Variants in PLEKHO2 observed in about 807,000 individuals in gnomAD.
PLEKHO2 encodes pleckstrin homology domain containing O2.
Under a neutral mutation model 32.7 loss-of-function variants are expected in PLEKHO2, and 20 were observed. The ratio of observed to expected loss-of-function variants is 0.61; its 90% CI spans 0.43 to 0.89. PLEKHO2 has a LOEUF of 0.89. Ranked by LOEUF, PLEKHO2 falls within the 40% of genes least tolerant of loss-of-function variation. The pLI is 0.00. For synonymous variants in PLEKHO2, 247 were observed against 246.3 expected, an observed-to-expected ratio of 1.00 and a Z score of -0.03; for missense variants, 568 against 621.2, an observed-to-expected ratio of 0.91 and a Z score of 0.91.
chr15:64,845,389 A>G (rs2084514908), intron 1 of PLEKHO2, among the ~76,000 whole-genome samples: 1 of 151,862 alleles, frequency 6.6e-6, no homozygotes, highest in African/African-American at 2.4e-5. Flanking sequence ...GAGGCCGAGA[A>G]ACTGGGCTGA....
At position 64,842,392 on chromosome 15, in the gene PLEKHO2, G is replaced by C. The variant is rs1164428231; in HGVS notation, c.12+364G>C. On this transcript the variant is annotated intron_variant, in intron 1 of 5. Transcript: ENST00000323544. Reference sequence around the variant, plus strand: ...GGATCCTGACTCTCTCTCTCTCTCTGTGTGTGTGTGTGTGTGTGTGTGTGT... The same window carrying C: ...GGATCCTGACTCTCTCTCTCTCTCTCTGTGTGTGTGTGTGTGTGTGTGTGT... Among the ~76,000 whole-genome samples, 388 of 93,332 alleles carry C rather than the reference G, an allele frequency of 4.2e-3. 2 individuals carry two copies. Among genetic ancestry groups the C allele is most frequent in the African/African-American group, 8.2e-3 (251 of 30,632 alleles). 61.2% of individuals were successfully genotyped at this position (93,332 alleles called of 152,430 possible).
intron 2 of PLEKHO2, 117 bp downstream of exon 2, chr15:64,848,859 T>C: frequency 7.6e-7 from 1 of 1,323,958 alleles, no homozygotes; most frequent in Non-Finnish European, 1.1e-6. Context: ...ACTTTTGCCA[T>C]GCTGTGCAAC....
At chr15:64,860,427 A>C (rs775937826) in intron 4 of PLEKHO2, among the ~76,000 whole-genome samples, 1 of 152,174 alleles carries the variant, frequency 6.6e-6, no homozygotes, top group Non-Finnish European at 1.5e-5. Context: ...TCTGTCTGCA[A>C]TGACCATTCA....
chr15:64,842,608 A>G (rs1210607559), intron 1 of PLEKHO2, among the ~76,000 whole-genome samples: 1 of 151,708 alleles, frequency 6.6e-6, no homozygotes, highest in Non-Finnish European at 1.5e-5. Context: ...AAGTCTCTGT[A>G]TCTTTTCCCC....
Position 64,864,947 on chromosome 15 carries a change from C to T in PLEKHO2, c.532C>T (p.Pro178Ser). The T allele has an allele frequency of 6.2e-7, 1 of 1,613,968 alleles. No homozygotes were observed. Among genetic ancestry groups the T allele is most frequent in the Non-Finnish European group, 8.5e-7 (1 of 1,179,956 alleles). Reference sequence around the variant, plus strand: ...TCTTCTGCGCCTGGATCTTGATGTTCCGGACAGTGGGCCACCAGTGTTTGC... The same window carrying T: ...TCTTCTGCGCCTGGATCTTGATGTTTCGGACAGTGGGCCACCAGTGTTTGC... The part of the protein sequence containing the change: ...DGLLRLDLDV[P>S]DSGPPVFAPS... Residue 178 changes from proline to serine, a missense_variant, in exon 6 of 6, where the codon CCG (proline) becomes TCG (serine). Physicochemically the swap from Pro to Ser is moderately conservative, Grantham distance 74. Coordinates refer to ENST00000323544, the MANE Select transcript of PLEKHO2 (RefSeq NM_025201.5).
At chr15:64,844,221 C>T (rs1379254952) in intron 1 of PLEKHO2, among the ~76,000 whole-genome samples, 1 of 152,230 alleles carries the variant, frequency 6.6e-6, no homozygotes, top group African/African-American at 2.4e-5. Context: ...TGTGCCCGGC[C>T]ACCCTGGGCC....
chr15:64,842,406 G>GT (rs2084491962), intron 1 of PLEKHO2, among the ~76,000 whole-genome samples: 1 of 151,578 alleles, frequency 6.6e-6, no homozygotes, highest in Admixed American at 6.6e-5. Flanking sequence ...GTGTGTGTGT[G>GT]TGTGTGTGTG....
intron 1 of PLEKHO2, among the ~76,000 whole-genome samples, chr15:64,844,662 C>A (rs567129095): frequency 3.9e-5 from 6 of 152,252 alleles, no homozygotes; most frequent in African/African-American, 1.4e-4. Context: ...CTGGGCTGTA[C>A]TTTCTCTTTC....
At position 64,865,352 on chromosome 15, in the gene PLEKHO2, C is replaced by G. The variant is rs1290172587; in HGVS notation, c.937C>G (p.Pro313Ala). 6.2e-7 allele frequency: 1 copy of G among 1,613,762 alleles called. No individual in the cohort carries two copies. The highest frequency in any genetic ancestry group is 1.7e-5 in the Admixed American group (1 of 59,966). Residue 313 changes from proline (P) to alanine (A), a missense_variant, in exon 6 of 6, where the codon CCA (proline) becomes GCA (alanine). Transcript: ENST00000323544. ...GGAGGGTGGGAAGCCCCCTACACCC[C>G]CACCCAAGATCTTATCAGAGAAACT... ...PREGGKPPTPPPKILSEKLKA... is the reference protein window; with the variant it reads ...PREGGKPPTPAPKILSEKLKA...
At chr15:64,853,546 G>A (rs2084586235) in intron 2 of PLEKHO2, among the ~76,000 whole-genome samples, 1 of 151,888 alleles carries the variant, frequency 6.6e-6, no homozygotes, top group African/African-American at 2.4e-5. Context: ...TGCCCGCCTC[G>A]GCCTCCCAAA....
chr15:64,853,293 T>C (rs1285613972), intron 2 of PLEKHO2, among the ~76,000 whole-genome samples: 1 of 149,270 alleles, frequency 6.7e-6, no homozygotes. Context: ...TTTTTTTTTT[T>C]TGAGACAGAG....
chr15:64,854,902 C>T lies in PLEKHO2; in HGVS notation c.163-19C>T. The T allele has an allele frequency of 3.1e-6, 5 of 1,601,850 alleles. No individual in the cohort carries two copies. The highest frequency in any genetic ancestry group is 1.7e-5 in the Admixed American group (1 of 59,900). Reference sequence around the variant, plus strand: ...GTCTGACTGTCACCAGCTCATGTCCCTTCTGTCTCCCTCCCCAGGATGATC... The same window carrying T: ...GTCTGACTGTCACCAGCTCATGTCCTTTCTGTCTCCCTCCCCAGGATGATC... On this transcript the variant is annotated intron_variant, in intron 2 of 5. Coordinates refer to ENST00000323544, the MANE Select transcript of PLEKHO2 (RefSeq NM_025201.5).
intron 4 of PLEKHO2, among the ~76,000 whole-genome samples, chr15:64,860,327 C>T (rs1956966719): frequency 6.6e-6 from 1 of 152,262 alleles, no homozygotes; most frequent in Non-Finnish European, 1.5e-5. Flanking sequence ...GGGCCCAGGC[C>T]AGAGAGTGCT....
intron 3 of PLEKHO2, among the ~76,000 whole-genome samples, chr15:64,858,974 C>T (rs1293606741): frequency 1.3e-5 from 2 of 152,210 alleles, no homozygotes; most frequent in African/African-American, 4.8e-5. Flanking sequence ...CTCTCTGTCT[C>T]TATGATTTTG....
intron 1 of PLEKHO2, among the ~76,000 whole-genome samples, chr15:64,845,560 T>C (rs557620485): frequency 6.6e-6 from 1 of 152,300 alleles, no homozygotes; most frequent in African/African-American, 2.4e-5. Flanking sequence ...AGTCCTCCCC[T>C]GGGTGGCTGT....
In PLEKHO2 at chr15:64,844,345, TG is replaced by T. The variant is rs1341697554; in HGVS notation, c.12+2318del. On this transcript the variant is annotated intron_variant, in intron 1 of 5. Coordinates refer to ENST00000323544, the MANE Select transcript of PLEKHO2 (RefSeq NM_025201.5). ...TGGGCACTGGGCATCTGCCCACCTG[TG>T]TGCTCCTGGCCTCGGTTCCTCCTTT... Among the ~76,000 whole-genome samples the T allele has an allele frequency of 2.6e-5, 4 of 152,220 alleles. No homozygotes were observed. In the East Asian group the frequency reaches 7.7e-4, roughly 29 times the overall value.
At chr15:64,851,442 C>T (rs1040991503) in intron 2 of PLEKHO2, among the ~76,000 whole-genome samples, 9 of 152,134 alleles carry the variant, frequency 5.9e-5, no homozygotes, top group African/African-American at 1.9e-4. Flanking sequence ...CTAAATCATG[C>T]TTTTTTCCCC....
chr15:64,866,434 G>A lies in PLEKHO2; in HGVS notation c.*546G>A, dbSNP rs757192376. 6.8e-5 allele frequency: 31 copies of A among 455,912 alleles called. No homozygotes were observed. The highest frequency in any genetic ancestry group is 4.7e-4 in the South Asian group (30 of 64,498). 28.2% of individuals were successfully genotyped at this position (455,912 alleles called of 1,614,324 possible). On this transcript the variant is annotated 3_prime_UTR_variant, in exon 6 of 6. Transcript: ENST00000323544. ...GGCTCTAGGTTCATCCCTCAGTTGG[G>A]GGGAACGTAGGACCCAGCTGGAGCC...
Position 64,856,723 on chromosome 15 carries a change from G to A in PLEKHO2, c.279+1686G>A, listed in dbSNP as rs115352018. 4.8e-3 allele frequency among the ~76,000 whole-genome samples: 726 copies of A among 152,304 alleles called. 4 individuals are homozygous for A. Among genetic ancestry groups the A allele is most frequent in the African/African-American group, 0.017 (688 of 41,564 alleles). On this transcript the variant is annotated intron_variant, in intron 3 of 5. Coordinates refer to ENST00000323544, the MANE Select transcript of PLEKHO2 (RefSeq NM_025201.5). ...TGGTGGGTGCTGCGGATGAAACAGT[G>A]CATCCTGGTTCCAGCTCAAGGGTCC...
Sources: allele counts gnomAD v4.1 joint callset (sites outside exome capture counted in the v4.1 genomes callset), GRCh38; gene constraint gnomAD v4.1.1; transcripts MANE v1.5; gene names NCBI Gene and HGNC (gene_info 2026-07-23, HGNC 2026-07-21).